The following FBRSL1 variants were observed in gnomAD, a reference collection of about 807,000 sequenced individuals.
FBRSL1 encodes the protein fibrosin like 1.
FBRSL1 carries 51 observed loss-of-function variants against 89.6 expected under a neutral mutation model. That is an observed-to-expected ratio of 0.57 (90% CI 0.45 to 0.72). FBRSL1 has a LOEUF of 0.72. FBRSL1 is among the 30% of genes least tolerant of loss of function. The pLI, the probability that FBRSL1 is intolerant of heterozygous loss-of-function variation, is 0.00. For synonymous variants in FBRSL1, 779 were observed against 681.1 expected (o/e 1.14, Z -2.24); for missense variants, 1,618 against 1,451.8 (o/e 1.11, Z -1.86).
chr12:132,512,764 GGGAAGGCCA>G (rs1472283627), intron 2 of FBRSL1, among the ~76,000 whole-genome samples: 13 of 152,338 alleles, frequency 8.5e-5, no homozygotes, highest in Middle Eastern at 3.4e-3. Flanking sequence ...CCCCTTAATG[GGGAAGGCCA>G]GGCTGCCAGG....
chr12:132,550,137 C>T (rs376431762), intron 5 of FBRSL1, among the ~76,000 whole-genome samples: 2 of 148,552 alleles, frequency 1.3e-5, no homozygotes, highest in African/African-American at 2.6e-5. Flanking sequence ...TTTGGCATTC[C>T]GTGCCGTTGG....
Position 132,572,309 on chromosome 12 carries a change from C to T in FBRSL1, c.1399C>T (p.Leu467=), listed in dbSNP as rs1348442759. The T allele has an allele frequency of 6.4e-7, 1 of 1,551,188 alleles. No homozygotes were observed. The highest frequency in any genetic ancestry group is 8.7e-7 in the Non-Finnish European group (1 of 1,146,750). The change falls in exon 10 of 19, where the codon CTG becomes TTG. Residue 467 remains leucine (L), a synonymous_variant. Transcript: ENST00000680143. ...CCAGTTTGACAAGTATGCGCCCAAG[C>T]TGGACAGCCCCTACTTCCGACATTC... ...ECQFDKYAPK[L]DSPYFRHSSV... is the part of the protein sequence containing the mutation.
intron 2 of FBRSL1, chr12:132,510,404 C>T (rs1048915228): frequency 1.9e-5 from 24 of 1,231,850 alleles, no homozygotes; most frequent in African/African-American, 4.7e-5. Context: ...CCTGTGCCCC[C>T]GGGATGGCCC....
chr12:132,531,537 G>A (rs1386311610), intron 4 of FBRSL1, among the ~76,000 whole-genome samples: 1 of 147,818 alleles, frequency 6.8e-6, no homozygotes, highest in African/African-American at 2.5e-5. Flanking sequence ...TCCTCTCTGG[G>A]CCTCTGTGTG....
At chr12:132,571,385 C>A in intron 9 of FBRSL1, 154 bp downstream of exon 9, 1 of 1,550,928 alleles carries the variant, frequency 6.4e-7, no homozygotes, top group Non-Finnish European at 8.7e-7. Context: ...TCCCTGGGCC[C>A]GGGGGCTCTG....
intron 2 of FBRSL1, among the ~76,000 whole-genome samples, chr12:132,512,593 C>T (rs1470119687): frequency 6.6e-6 from 1 of 152,250 alleles, no homozygotes; most frequent in African/African-American, 2.4e-5. Context: ...TTTAAACAGT[C>T]TCCTGCCCTC....
intron 1 of FBRSL1, among the ~76,000 whole-genome samples, chr12:132,502,823 TCCTGTC>T (rs2136462153): frequency 1.2e-5 from 1 of 85,488 alleles, no homozygotes; most frequent in African/African-American, 4.5e-5. Flanking sequence ...CCCCGCCCCC[TCCTGTC>T]CTCACCCTCT....
At chr12:132,491,016 C>T (rs753115215) in intron 1 of FBRSL1, among the ~76,000 whole-genome samples, 155 bp downstream of exon 1, 17 of 152,232 alleles carry the variant, frequency 1.1e-4, no homozygotes, top group Non-Finnish European at 2.2e-4. Context: ...TCCAGGGACC[C>T]TGGGTGCCCA....
intron 15 of FBRSL1, 149 bp downstream of exon 15, chr12:132,577,080 G>A (rs1400147993): frequency 5.4e-6 from 6 of 1,119,802 alleles, no homozygotes; most frequent in African/African-American, 3.2e-5. Context: ...TCAGGTCAAA[G>A]CCTGGCAACT....
At chr12:132,530,436 G>A (rs1263820260) in intron 4 of FBRSL1, among the ~76,000 whole-genome samples, 3 of 151,674 alleles carry the variant, frequency 2.0e-5, no homozygotes, top group African/African-American at 2.4e-5. Context: ...GGGGAGGGCC[G>A]GGTCTTAAGC....
chr12:132,535,524 G>A (rs1174232686), intron 4 of FBRSL1, among the ~76,000 whole-genome samples: 1 of 152,262 alleles, frequency 6.6e-6, no homozygotes, highest in African/African-American at 2.4e-5. Flanking sequence ...CTGATCCGCA[G>A]GTGTGTGGGG....
chr12:132,493,895 C>T (rs1346794382), intron 1 of FBRSL1, among the ~76,000 whole-genome samples: 2 of 152,180 alleles, frequency 1.3e-5, no homozygotes, highest in African/African-American at 4.8e-5. Flanking sequence ...TGAGGAGGGC[C>T]AGGGTCTGGC....
chr12:132,564,651 ACGCCCGGCTAATTTTT>A (rs2039444843), intron 5 of FBRSL1, among the ~76,000 whole-genome samples: 1 of 102,958 alleles, frequency 9.7e-6, no homozygotes, highest in South Asian at 3.6e-4. Context: ...GCCCGCCACC[ACGCCCGGCTAATTTTT>A]TGTATTTTTA....
chr12:132,518,891 A>G (rs900326415), intron 2 of FBRSL1, among the ~76,000 whole-genome samples: 21 of 150,062 alleles, frequency 1.4e-4, no homozygotes, highest in East Asian at 2.0e-4. Context: ...CCATGCATCT[A>G]TCCATCCACC....
intron 8 of FBRSL1, 114 bp from the exon 9 acceptor site, chr12:132,570,954 C>T (rs1432789177): frequency 1.4e-6 from 1 of 731,918 alleles, no homozygotes; most frequent in Non-Finnish European, 1.7e-6. Flanking sequence ...CCGAGTCAGC[C>T]CGGCCCAGGC....
intron 2 of FBRSL1, chr12:132,509,491 C>T (rs1035056825): frequency 6.1e-5 from 76 of 1,238,174 alleles, no homozygotes; most frequent in East Asian, 2.5e-4. Context: ...CGGTCACGCC[C>T]GGCCCAGCCC....
In FBRSL1 at chr12:132,574,540, C is replaced by T. The variant is rs2040254390; in HGVS notation, c.1677C>T (p.Ile559=). ...CAVHVQIAWQ[I]YRHQQKIKEM... The stretch of plus-strand genomic sequence containing the variant: ...TGCACGTGCAGATCGCCTGGCAGAT[C>T]TACCGTCACCAGCAGAAGATAAAGG... Residue 559 remains isoleucine, a synonymous_variant, in exon 14 of 19, where the codon ATC becomes ATT. Transcript: ENST00000680143. 3 of 1,550,140 alleles carry T rather than the reference C, an allele frequency of 1.9e-6. No individual in the cohort carries two copies. Among genetic ancestry groups the T allele is most frequent in the South Asian group, 1.2e-5 (1 of 84,036 alleles).
At chr12:132,540,951 G>A (rs376216913) in intron 4 of FBRSL1, among the ~76,000 whole-genome samples, 371 of 152,300 alleles carry the variant, frequency 2.4e-3, no homozygotes, top group African/African-American at 8.5e-3. Context: ...GGCTGATACT[G>A]CTGTGACACT....
intron 1 of FBRSL1, among the ~76,000 whole-genome samples, chr12:132,506,651 G>C (rs2033721286): frequency 6.6e-6 from 1 of 152,250 alleles, no homozygotes; most frequent in African/African-American, 2.4e-5. Flanking sequence ...GAGACCCTCA[G>C]AGCTCACTGG....
Sources: allele counts gnomAD v4.1 joint callset (sites outside exome capture counted in the v4.1 genomes callset), GRCh38; gene constraint gnomAD v4.1.1; transcripts MANE v1.5; gene names NCBI Gene and HGNC (gene_info 2026-07-23, HGNC 2026-07-21).